Variants in ASPH observed in about 807,000 individuals in gnomAD.
ASPH encodes the protein aspartyl/asparaginyl beta-hydroxylase.
In ASPH, 100 loss-of-function variants were observed where a neutral mutation model predicts 118.4. The observed-to-expected ratio is 0.84, with a 90% CI of 0.72 to 1.00. The LOEUF (loss-of-function observed/expected upper bound fraction) is 1.00. Ranked by LOEUF, ASPH falls within the 50% of genes least tolerant of loss-of-function variation. The pLI, the probability that ASPH is intolerant of heterozygous loss-of-function variation, is 0.00. For missense variants in ASPH, 920 were observed against 919.5 expected, an observed-to-expected ratio of 1.00 and a Z score of -0.01; for synonymous variants, 315 against 325.6, an observed-to-expected ratio of 0.97 and a Z score of 0.35.
At chr8:61,661,994 G>A in intron 3 of ASPH, 1 of 398,610 alleles carries the variant, frequency 2.5e-6, no homozygotes, top group Non-Finnish European at 4.5e-6. Context: ...ATGACGTTAG[G>A]AATAACTAAA....
intron 21 of ASPH, among the ~76,000 whole-genome samples, chr8:61,539,360 C>T (rs1820836969): frequency 1.3e-5 from 2 of 152,226 alleles, no homozygotes; most frequent in African/African-American, 4.8e-5. Context: ...GGGCATAAAG[C>T]AGGAGAGACC....
intron 14 of ASPH, among the ~76,000 whole-genome samples, chr8:61,601,702 G>A (rs1011610677): frequency 6.6e-6 from 1 of 151,216 alleles, no homozygotes; most frequent in Non-Finnish European, 1.5e-5. Flanking sequence ...CTGATTTTGA[G>A]AGAAGTTAAC....
chr8:61,663,210 T>C, intron 3 of ASPH: 5 of 985,384 alleles, frequency 5.1e-6, no homozygotes, highest in Non-Finnish European at 6.0e-6. Flanking sequence ...CCTCACTTTC[T>C]TGTCCCAGAA....
At chr8:61,599,753 A>C (rs1266217028) in intron 14 of ASPH, among the ~76,000 whole-genome samples, 1 of 152,154 alleles carries the variant, frequency 6.6e-6, no homozygotes, top group East Asian at 1.9e-4. Context: ...ATCAATAACA[A>C]GTAATGAGAC....
At position 61,706,476 on chromosome 8, in the gene ASPH, G is replaced by A. The variant is rs1233241707; in HGVS notation, c.103+7793C>T. ...GAAGAAGGAGGAAGAGGAAGAAGAA[G>A]AAGAAAGAAGAAAGAAGAAAAAAGA... On this transcript the variant is annotated intron_variant, in intron 1 of 24. Transcript: ENST00000379454. Among the ~76,000 whole-genome samples, 6 of 142,766 alleles carry A rather than the reference G, an allele frequency of 4.2e-5. No homozygotes were observed. The East Asian group carries it at 1.0e-3, about 25-fold the overall frequency. 93.7% of individuals were successfully genotyped at this position (142,766 alleles called of 152,430 possible).
intron 21 of ASPH, among the ~76,000 whole-genome samples, chr8:61,545,388 G>C (rs980070760): frequency 8.5e-5 from 13 of 152,192 alleles, no homozygotes; most frequent in African/African-American, 2.9e-4. Context: ...AAGCCACCGA[G>C]TTTATGGCAT....
At chr8:61,650,993 T>C in intron 5 of ASPH, 57 bp downstream of exon 5, 6 of 1,487,054 alleles carry the variant, frequency 4.0e-6, no homozygotes, top group Non-Finnish European at 5.5e-6. Context: ...CAAGTCATTT[T>C]ACATAACTAA....
intron 3 of ASPH, chr8:61,668,366 C>T (rs538380060): frequency 5.1e-6 from 5 of 978,600 alleles, no homozygotes; most frequent in African/African-American, 3.3e-5. Flanking sequence ...AAAATCAATG[C>T]CACTATAAAA....
intron 21 of ASPH, among the ~76,000 whole-genome samples, chr8:61,539,643 T>C (rs1186158047): frequency 6.6e-6 from 1 of 150,780 alleles, no homozygotes; most frequent in Non-Finnish European, 1.5e-5. Context: ...ATTATTACTT[T>C]AGAGAAAAGT....
intron 14 of ASPH, among the ~76,000 whole-genome samples, chr8:61,599,083 A>G (rs2133346715): frequency 6.6e-6 from 1 of 152,344 alleles, no homozygotes; most frequent in Admixed American, 6.5e-5. Flanking sequence ...GCCTCAAAGA[A>G]CTAGAAGATC....
At chr8:61,681,813 A>G (rs1454701525) in intron 2 of ASPH, among the ~76,000 whole-genome samples, 1 of 151,896 alleles carries the variant, frequency 6.6e-6, no homozygotes, top group Admixed American at 6.6e-5. Flanking sequence ...GCTTTATCAT[A>G]AGGAACACTG....
At chr8:61,590,435 C>G (rs1840756043) in intron 14 of ASPH, among the ~76,000 whole-genome samples, 1 of 152,078 alleles carries the variant, frequency 6.6e-6, no homozygotes, top group Non-Finnish European at 1.5e-5. Context: ...GTGAAGGACT[C>G]TAGATGGCCA....
chr8:61,579,486 C>G (rs1444566420), intron 15 of ASPH: 10 of 1,597,348 alleles, frequency 6.3e-6, no homozygotes, highest in Non-Finnish European at 8.5e-6. Context: ...TGCAGGTGGT[C>G]TGAGCTCGGC....
At chr8:61,638,292 A>G in intron 11 of ASPH, 30 bp downstream of exon 11, 1 of 1,596,348 alleles carries the variant, frequency 6.3e-7, no homozygotes, top group Non-Finnish European at 8.5e-7. Flanking sequence ...GCTGACTTGC[A>G]GAAAATATGT....
At chr8:61,602,122 T>C (rs1004758132) in intron 14 of ASPH, among the ~76,000 whole-genome samples, 4 of 151,268 alleles carry the variant, frequency 2.6e-5, no homozygotes, top group Non-Finnish European at 5.9e-5. Context: ...TGCATTATTA[T>C]GAAACCAAAA....
chr8:61,593,103 A>C (rs1841612559), intron 14 of ASPH, among the ~76,000 whole-genome samples: 1 of 152,204 alleles, frequency 6.6e-6, no homozygotes, highest in African/African-American at 2.4e-5. Flanking sequence ...GTGATGCCTC[A>C]CACTGGGGTC....
intron 24 of ASPH, among the ~76,000 whole-genome samples, chr8:61,515,487 T>C (rs1283531301): frequency 6.6e-6 from 1 of 152,164 alleles, no homozygotes; most frequent in Non-Finnish European, 1.5e-5. Context: ...TAAATACAGA[T>C]GTTTTCATGG....
chr8:61,592,218 T>C (rs1196063518), intron 14 of ASPH, among the ~76,000 whole-genome samples: 1 of 152,240 alleles, frequency 6.6e-6, no homozygotes, highest in Non-Finnish European at 1.5e-5. Context: ...TAAAACCTCA[T>C]ATAAATGTTA....
chr8:61,596,303 G>A (rs548311024), intron 14 of ASPH, among the ~76,000 whole-genome samples: 7 of 152,274 alleles, frequency 4.6e-5, no homozygotes, highest in South Asian at 2.1e-4. Flanking sequence ...CCCTACCTGG[G>A]GACCTAGGTA....
Sources: allele counts gnomAD v4.1 joint callset (sites outside exome capture counted in the v4.1 genomes callset), GRCh38; gene constraint gnomAD v4.1.1; transcripts MANE v1.5; gene names NCBI Gene and HGNC (gene_info 2026-07-23, HGNC 2026-07-21).